Variants in ALK observed in about 807,000 individuals in gnomAD.
The protein encoded by ALK is ALK tyrosine kinase receptor.
In ALK, 74 loss-of-function variants were observed where a neutral mutation model predicts 163.1. The observed-to-expected ratio is 0.45, with a 90% CI of 0.38 to 0.55. ALK has a LOEUF of 0.55. ALK is among the 20% of genes least tolerant of loss of function. The pLI is 0.00. For synonymous variants in ALK, 960 were observed against 843.2 expected (o/e 1.14, Z -2.40); for missense variants, 2,063 against 2,105.3 (o/e 0.98, Z 0.39).
intron 3 of ALK, among the ~76,000 whole-genome samples, chr2:29,647,607 C>T (rs890693904): frequency 6.6e-6 from 1 of 152,052 alleles, no homozygotes. Context: ...TGTGAAGAAG[C>T]GTCCGGAATT....
chr2:29,531,333 T>TGGATCCATCA (rs1485329862), intron 4 of ALK, among the ~76,000 whole-genome samples: 2 of 152,122 alleles, frequency 1.3e-5, no homozygotes, highest in Non-Finnish European at 2.9e-5. Flanking sequence ...AGAGGCCTGA[T>TGGATCCATCA]GGATCACTGA....
At chr2:29,486,914 T>C (rs1328413245) in intron 4 of ALK, among the ~76,000 whole-genome samples, 1 of 152,148 alleles carries the variant, frequency 6.6e-6, no homozygotes. Context: ...TGGAAAAAAA[T>C]AAAGCTTAAG....
intron 1 of ALK, among the ~76,000 whole-genome samples, chr2:29,771,636 A>G (rs953056323): frequency 1.3e-5 from 2 of 151,854 alleles, no homozygotes; most frequent in Admixed American, 1.3e-4. Flanking sequence ...CCGGGTTCAT[A>G]CCATTCTCCT....
intron 4 of ALK, among the ~76,000 whole-genome samples, chr2:29,524,111 G>A (rs1333879351): frequency 1.3e-5 from 2 of 152,020 alleles, no homozygotes; most frequent in African/African-American, 2.4e-5. Flanking sequence ...GATCTTGAAC[G>A]GGGCTTTAAT....
chr2:29,574,485 G>T (rs1189225631), intron 3 of ALK, among the ~76,000 whole-genome samples: 1 of 152,236 alleles, frequency 6.6e-6, no homozygotes, highest in Non-Finnish European at 1.5e-5. Context: ...GGACAGACTT[G>T]ATTTTATATG....
intron 5 of ALK, among the ~76,000 whole-genome samples, chr2:29,340,909 G>A (rs557007391): frequency 7.2e-5 from 11 of 152,090 alleles, no homozygotes; most frequent in Non-Finnish European, 1.5e-4. Flanking sequence ...GTATAACTGA[G>A]CAATATACAC....
intron 11 of ALK, among the ~76,000 whole-genome samples, chr2:29,258,021 T>A (rs1054813516): frequency 6.6e-6 from 1 of 152,144 alleles, no homozygotes. Flanking sequence ...AAATTTTCTG[T>A]AGAGATGAGG....
chr2:29,729,777 A>G (rs1679683969), intron 1 of ALK, among the ~76,000 whole-genome samples: 1 of 152,220 alleles, frequency 6.6e-6, no homozygotes, highest in Admixed American at 6.5e-5. Flanking sequence ...CATCTTTCAG[A>G]ATATAATTTA....
At chr2:29,273,059 C>G (rs1399123003) in intron 11 of ALK, among the ~76,000 whole-genome samples, 1 of 152,242 alleles carries the variant, frequency 6.6e-6, no homozygotes, top group Non-Finnish European at 1.5e-5. Context: ...CTTTCCTTCC[C>G]CCTCTGGCCT....
chr2:29,304,287 G>T (rs1235825017), intron 8 of ALK, among the ~76,000 whole-genome samples: 1 of 152,104 alleles, frequency 6.6e-6, no homozygotes, highest in Admixed American at 6.5e-5. Context: ...CACAAGGTCA[G>T]GAGTTCTAGA....
At chr2:29,596,883 G>T (rs1228047429) in intron 3 of ALK, among the ~76,000 whole-genome samples, 1 of 152,180 alleles carries the variant, frequency 6.6e-6, no homozygotes, top group Non-Finnish European at 1.5e-5. Context: ...CTTGAATGAG[G>T]TCTGCCCTCT....
In ALK at chr2:29,705,078, C is replaced by G. The variant is rs1451089127; in HGVS notation, c.788-10064G>C. Among the ~76,000 whole-genome samples the G allele has an allele frequency of 2.7e-5, 4 of 150,624 alleles. No homozygotes were observed. In the East Asian group the frequency reaches 7.9e-4, roughly 30 times the overall value. Reference sequence around the variant, plus strand: ...ACTAAAAATACAAAAATTAGCCAAGCGTGGTGGCTGGTGCCTGTAATCCCA... The same window carrying G: ...ACTAAAAATACAAAAATTAGCCAAGGGTGGTGGCTGGTGCCTGTAATCCCA... On this transcript the variant is annotated intron_variant, in intron 2 of 28. Transcript: ENST00000389048.
chr2:29,706,975 ATGTGTGTGTGTGTGTGTGTG>A (rs766564449), intron 2 of ALK, among the ~76,000 whole-genome samples: 51 of 102,784 alleles, frequency 5.0e-4, no homozygotes, highest in South Asian at 1.7e-3. Context: ...CTCATGCAGA[ATGTGTGTGTGTGTGTGTGTG>A]TGTGTGTGTG....
intron 6 of ALK, among the ~76,000 whole-genome samples, chr2:29,326,765 T>G (rs1475700215): frequency 3.9e-5 from 6 of 152,224 alleles, no homozygotes. Context: ...TTGCTTAATT[T>G]AAATGAGAAT....
rs111330745 is a variant in ALK, at chr2:29,235,500, G to A, written c.2356-1804C>T. Among the ~76,000 whole-genome samples, 1,014 of 152,202 alleles carry A rather than the reference G, an allele frequency of 6.7e-3. 18 individuals are homozygous for A. The highest frequency in any genetic ancestry group is 0.023 in the African/African-American group (952 of 41,500). ...GGGTGGAAGGCTCTGAATTGCTATT[G>A]TAGAGAGCTGGCATTTCCCATATGT... On this transcript the variant is annotated intron_variant, in intron 13 of 28. Transcript: ENST00000389048.
intron 1 of ALK, among the ~76,000 whole-genome samples, chr2:29,741,402 A>G (rs1198246374): frequency 6.6e-6 from 1 of 152,224 alleles, no homozygotes; most frequent in Non-Finnish European, 1.5e-5. Flanking sequence ...TGGGGGAGCT[A>G]TGCATTGTGG....
chr2:29,746,974 A>G (rs1410487262), intron 1 of ALK, among the ~76,000 whole-genome samples: 8 of 152,234 alleles, frequency 5.3e-5, no homozygotes, highest in Non-Finnish European at 1.2e-4. Context: ...TATTCCTCAC[A>G]GAATCTCAAG....
At chr2:29,606,734 G>A (rs768598314) in intron 3 of ALK, among the ~76,000 whole-genome samples, 31 of 152,212 alleles carry the variant, frequency 2.0e-4, no homozygotes, top group Non-Finnish European at 4.0e-4. Context: ...AGAATGGCAG[G>A]CTTCAGTAGT....
At chr2:29,497,833 A>T (rs544612040) in intron 4 of ALK, among the ~76,000 whole-genome samples, 1 of 152,336 alleles carries the variant, frequency 6.6e-6, no homozygotes, top group South Asian at 2.1e-4. Context: ...TATGAGGCTA[A>T]GAAAATGAAT....
Sources: gnomAD v4.1 joint callset for allele counts (sites outside exome capture counted in the v4.1 genomes callset) on GRCh38, gnomAD v4.1.1 for gene constraint, MANE v1.5 for transcripts, NCBI Gene and HGNC (gene_info 2026-07-23, HGNC 2026-07-21) for gene names.